The following RGS6 variants were observed in gnomAD, a reference collection of about 807,000 sequenced individuals.
RGS6 encodes regulator of G-protein signaling 6.
In RGS6, 30 loss-of-function variants were observed where a neutral mutation model predicts 78.5. The observed-to-expected ratio is 0.38, with a 90% CI of 0.29 to 0.52. The LOEUF (loss-of-function observed/expected upper bound fraction) is 0.52. RGS6 is among the 20% of genes least tolerant of loss of function. The pLI, the probability that RGS6 is intolerant of heterozygous loss-of-function variation, is 0.85. For missense variants in RGS6, 495 were observed against 609.7 expected (o/e 0.81, Z 1.98); for synonymous variants, 206 against 206.0 (o/e 1.00, Z 0.00).
intron 3 of RGS6, among the ~76,000 whole-genome samples, chr14:72,378,209 C>T (rs552938970): frequency 1.0e-3 from 157 of 152,020 alleles, no homozygotes; most frequent in Non-Finnish European, 1.8e-3. Context: ...ACAGCAAAAG[C>T]TATATTACAG....
At chr14:72,287,814 T>G (rs544126459) in intron 2 of RGS6, among the ~76,000 whole-genome samples, 2 of 152,364 alleles carry the variant, frequency 1.3e-5, no homozygotes, top group East Asian at 3.9e-4. Context: ...GAGTTTTATC[T>G]TGGAAGGTCA....
Position 72,164,257 on chromosome 14 carries a change from G to C in RGS6, c.85-187838G>C, listed in dbSNP as rs1473195632. ...AGAGGGAAGGCATCTCTGCCTTCCAGGGACAAAGTTTCAGAACTGTACTGC... is the reference window on the plus strand; with the variant it reads ...AGAGGGAAGGCATCTCTGCCTTCCACGGACAAAGTTTCAGAACTGTACTGC... On this transcript the variant is annotated intron_variant, in intron 2 of 17. Coordinates refer to ENST00000553525, the MANE Select transcript of RGS6 (RefSeq NM_001204424.2). Among the ~76,000 whole-genome samples, 11 of 152,172 alleles carry C rather than the reference G, an allele frequency of 7.2e-5. 1 individual carries two copies. The highest frequency in any genetic ancestry group is 1.5e-4 in the Non-Finnish European group (10 of 68,028).
chr14:72,502,839 G>T (rs1365284723), intron 13 of RGS6, among the ~76,000 whole-genome samples: 1 of 152,164 alleles, frequency 6.6e-6, no homozygotes, highest in Admixed American at 6.5e-5. Context: ...CCCTCAGGTT[G>T]TTCTTGAGGT....
intron 3 of RGS6, among the ~76,000 whole-genome samples, chr14:72,401,218 C>A (rs1447178399): frequency 6.6e-6 from 1 of 151,962 alleles, no homozygotes; most frequent in Non-Finnish European, 1.5e-5. Context: ...AATGTGTTTC[C>A]TGGAGTAGGG....
chr14:72,490,983 G>C (rs989713227), intron 12 of RGS6, among the ~76,000 whole-genome samples: 2 of 152,190 alleles, frequency 1.3e-5, no homozygotes, highest in Non-Finnish European at 2.9e-5. Context: ...ATTGCTAACA[G>C]GCTCCCAGGT....
intron 3 of RGS6, among the ~76,000 whole-genome samples, chr14:72,398,848 G>A (rs2152987783): frequency 1.3e-5 from 2 of 152,294 alleles, no homozygotes; most frequent in Admixed American, 1.3e-4. Context: ...CAGTTTCCAT[G>A]TAGTTGAGCG....
At chr14:72,314,588 T>C (rs1438467696) in intron 2 of RGS6, among the ~76,000 whole-genome samples, 2 of 152,162 alleles carry the variant, frequency 1.3e-5, no homozygotes, top group Non-Finnish European at 2.9e-5. Context: ...GTATATACTT[T>C]ATAGTGACAA....
chr14:71,894,153 C>T, the RGS6 span, among the ~76,000 whole-genome samples: 2 of 152,054 alleles, frequency 1.3e-5, no homozygotes, highest in Non-Finnish European at 2.9e-5. Flanking sequence ...CAAACCAGAG[C>T]GACTCCATTT....
intron 3 of RGS6, among the ~76,000 whole-genome samples, chr14:72,408,272 A>G (rs1186266694): frequency 6.6e-6 from 1 of 152,174 alleles, no homozygotes; most frequent in African/African-American, 2.4e-5. Flanking sequence ...TTCTCAGATG[A>G]CTTGCAAATT....
At chr14:72,310,875 G>A (rs543655273) in intron 2 of RGS6, among the ~76,000 whole-genome samples, 1 of 152,320 alleles carries the variant, frequency 6.6e-6, no homozygotes, top group South Asian at 2.1e-4. Flanking sequence ...AATCGTAATT[G>A]AGAGTTCAGA....
chr14:72,188,615 C>T (rs2097281912), intron 2 of RGS6, among the ~76,000 whole-genome samples: 1 of 152,200 alleles, frequency 6.6e-6, no homozygotes, highest in African/African-American at 2.4e-5. Context: ...GCATTCACAT[C>T]TTTGTATAAC....
chr14:72,360,221 TAGAA>T (rs1302617285), intron 3 of RGS6, among the ~76,000 whole-genome samples: 1 of 151,980 alleles, frequency 6.6e-6, no homozygotes, highest in African/African-American at 2.4e-5. Flanking sequence ...AATTTATTCA[TAGAA>T]AGAAGAAAGG....
chr14:72,114,198 C>T (rs1442325066), intron 2 of RGS6, among the ~76,000 whole-genome samples: 2 of 152,104 alleles, frequency 1.3e-5, no homozygotes, highest in Non-Finnish European at 2.9e-5. Context: ...AATAGAAGCA[C>T]GCCTCTGTCT....
At chr14:72,362,183 G>A (rs565181686) in intron 3 of RGS6, among the ~76,000 whole-genome samples, 1 of 152,226 alleles carries the variant, frequency 6.6e-6, no homozygotes, top group African/African-American at 2.4e-5. Context: ...CTCTTAAAAA[G>A]CTATTAATCT....
chr14:72,522,364 C>A (rs1164273307), intron 15 of RGS6, among the ~76,000 whole-genome samples: 1 of 152,204 alleles, frequency 6.6e-6, no homozygotes. Context: ...AGGGCTTCAA[C>A]AATATGAAAT....
At chr14:72,220,878 A>T (rs1380429409) in intron 2 of RGS6, among the ~76,000 whole-genome samples, 6 of 152,202 alleles carry the variant, frequency 3.9e-5, no homozygotes, top group East Asian at 3.9e-4. Context: ...AATTTAGGAC[A>T]TTGGGAAGAA....
At chr14:72,235,423 A>G (rs889791254) in intron 2 of RGS6, among the ~76,000 whole-genome samples, 2 of 152,252 alleles carry the variant, frequency 1.3e-5, no homozygotes, top group Non-Finnish European at 1.5e-5. Flanking sequence ...AGAATATGGA[A>G]GGCCTTTCTC....
the RGS6 span, chr14:72,612,657 C>A: frequency 2.5e-5 from 13 of 516,810 alleles, no homozygotes; most frequent in Admixed American, 2.5e-4. Flanking sequence ...AAGGGCAAAC[C>A]AAGTCCGTAT....
At chr14:72,218,120 G>C (rs1157093945) in intron 2 of RGS6, among the ~76,000 whole-genome samples, 5 of 152,088 alleles carry the variant, frequency 3.3e-5, no homozygotes, top group South Asian at 2.1e-4. Flanking sequence ...GAACATTCAG[G>C]TTGTTTTCTA....
Sources: allele counts gnomAD v4.1 joint callset (sites outside exome capture counted in the v4.1 genomes callset), GRCh38; gene constraint gnomAD v4.1.1; transcripts MANE v1.5; gene names NCBI Gene and HGNC (gene_info 2026-07-23, HGNC 2026-07-21).